The following GRK4 variants were observed in gnomAD, a reference collection of about 807,000 sequenced individuals.
The protein encoded by GRK4 is G protein-coupled receptor kinase 4, also known as G protein-coupled receptor kinase 2-like.
A neutral mutation model predicts 77.9 loss-of-function variants in GRK4; 73 were observed. The observed-to-expected ratio is 0.94, with a 90% CI of 0.78 to 1.14. The LOEUF is 1.14. GRK4 is among the 50% of genes most tolerant of loss of function. The pLI is 0.00. For synonymous variants in GRK4, 257 were observed against 254.4 expected (o/e 1.01, Z -0.10); for missense variants, 729 against 700.2 (o/e 1.04, Z -0.46).
intron 8 of GRK4, among the ~76,000 whole-genome samples, chr4:3,016,450 G>A (rs544480035): frequency 7.3e-5 from 11 of 151,442 alleles, no homozygotes; most frequent in Admixed American, 2.6e-4. Context: ...CTCAGAAGAC[G>A]GAGGTTGCAG....
At chr4:3,032,476 G>C (rs985771700) in intron 12 of GRK4, among the ~76,000 whole-genome samples, 1 of 152,170 alleles carries the variant, frequency 6.6e-6, no homozygotes, top group African/African-American at 2.4e-5. Flanking sequence ...TGCTAGGCTC[G>C]GGGAGGGGAA....
chr4:2,970,379 G>T (rs1390206521), intron 1 of GRK4, among the ~76,000 whole-genome samples: 4 of 152,064 alleles, frequency 2.6e-5, no homozygotes, highest in Admixed American at 6.5e-5. Context: ...AATATTCTTG[G>T]CCAGGCACGG....
intron 4 of GRK4, among the ~76,000 whole-genome samples, chr4:2,998,203 C>T (rs534464436): frequency 9.2e-5 from 14 of 151,960 alleles, no homozygotes; most frequent in African/African-American, 2.7e-4. Flanking sequence ...ACTAAAAATA[C>T]AAAAATTAGC....
chr4:3,026,205 C>T (rs578257479), intron 10 of GRK4, among the ~76,000 whole-genome samples: 57 of 152,190 alleles, frequency 3.7e-4, no homozygotes, highest in African/African-American at 1.3e-3. Flanking sequence ...GGGTGTTTCC[C>T]GTCTGCATTC....
intron 14 of GRK4, 133 bp from the exon 15 acceptor site, chr4:3,038,243 G>C (rs1741384329): frequency 9.3e-7 from 1 of 1,073,210 alleles, no homozygotes; most frequent in Admixed American, 2.3e-5. Flanking sequence ...ACCCAGAAAA[G>C]GGGCCCCACA....
At position 3,040,722 on chromosome 4, in the gene GRK4, A is replaced by G; in HGVS notation, c.*97A>G. The G allele has an allele frequency of 9.9e-7, 1 of 1,005,282 alleles. No individual in the cohort carries two copies. Among genetic ancestry groups the G allele is most frequent in the South Asian group, 1.4e-5 (1 of 72,362 alleles). The allele number at this position is 1,005,282 out of a possible 1,614,324, so 62.3% of individuals were successfully genotyped here. A position where few individuals can be genotyped will look rare whatever the true frequency, so the allele number is the denominator to read the frequency against. On this transcript the variant is annotated 3_prime_UTR_variant, in exon 16 of 16. Transcript: ENST00000398052. ...GGAATTGTAATAAATACATCTAAATAAAACATGCCTTGGGAGTGTACAGAC... is the reference window on the plus strand; with the variant it reads ...GGAATTGTAATAAATACATCTAAATGAAACATGCCTTGGGAGTGTACAGAC...
Position 3,007,694 on chromosome 4 carries a change from T to C in GRK4, c.444-42T>C, listed in dbSNP as rs761348171. 6 of 1,270,336 alleles carry C rather than the reference T, an allele frequency of 4.7e-6. No individual in the cohort carries two copies. The East Asian group carries it at 1.2e-4, about 26-fold the overall frequency. 78.7% of individuals were successfully genotyped at this position (1,270,336 alleles called of 1,614,324 possible). On this transcript the variant is annotated intron_variant, in intron 5 of 15. Transcript: ENST00000398052. Reference sequence around the variant, plus strand: ...CTAAAACACACTTGTTTTTATTTCTTAATACAACAAATGTATATAATTTTA... The same window carrying C: ...CTAAAACACACTTGTTTTTATTTCTCAATACAACAAATGTATATAATTTTA...
chr4:3,001,369 A>AT (rs55673089), intron 4 of GRK4, among the ~76,000 whole-genome samples: 102 of 76,942 alleles, frequency 1.3e-3, no homozygotes, highest in Middle Eastern at 5.4e-3. Flanking sequence ...ATATATATAT[A>AT]TTTTTTTTTT....
At chr4:3,005,247 C>T (rs1322691990) in intron 5 of GRK4, among the ~76,000 whole-genome samples, 4 of 151,830 alleles carry the variant, frequency 2.6e-5, no homozygotes, top group African/African-American at 4.8e-5. Flanking sequence ...CATGTCACAG[C>T]GGAGGAAACG....
chr4:3,006,004 C>T (rs985375488), intron 5 of GRK4, among the ~76,000 whole-genome samples: 1 of 152,008 alleles, frequency 6.6e-6, no homozygotes, highest in Admixed American at 6.6e-5. Context: ...GTGTATGGCA[C>T]CGGACTAGAA....
chr4:2,973,718 C>T (rs1487374769), intron 1 of GRK4, among the ~76,000 whole-genome samples: 1 of 152,202 alleles, frequency 6.6e-6, no homozygotes, highest in Non-Finnish European at 1.5e-5. Context: ...ACCTGGAACA[C>T]CGTGGTCAGC....
intron 13 of GRK4, among the ~76,000 whole-genome samples, chr4:3,037,075 GTGTGTGTA>G (rs1740901821): frequency 9.2e-6 from 1 of 108,648 alleles, no homozygotes; most frequent in Non-Finnish European, 1.8e-5. Flanking sequence ...GTGTGTATGT[GTGTGTGTA>G]TGTGTGTGTG....
Position 3,035,443 on chromosome 4 carries a change from G to A in GRK4, c.1327G>A (p.Val443Met), listed in dbSNP as rs933402818. The change falls in exon 13 of 16, where the codon GTG becomes ATG. Residue 443 changes from valine (V) to methionine (M), a missense_variant. Physicochemically the swap from Val to Met is conservative, Grantham distance 21. Coordinates refer to ENST00000398052, the MANE Select transcript of GRK4 (RefSeq NM_182982.3). ...LGCRGEGAAG[V>M]KQHPVFKDIN... ...CTGCAGGGGCGAGGGAGCGGCTGGG[G>A]TGAAGCAGCACCCCGTGTTCAAGGA... is the stretch of plus-strand genomic sequence containing the variant. 5.0e-6 allele frequency: 8 copies of A among 1,613,818 alleles called. No individual in the cohort carries two copies. The African/African-American group carries it at 1.1e-4, about 22-fold the overall frequency.
chr4:3,006,053 G>T (rs1731235770), intron 5 of GRK4, among the ~76,000 whole-genome samples: 1 of 151,926 alleles, frequency 6.6e-6, no homozygotes, highest in African/African-American at 2.4e-5. Context: ...TCTGAAAATG[G>T]ATTAGAGTAA....
At chr4:2,998,433 G>A (rs760601464) in intron 4 of GRK4, among the ~76,000 whole-genome samples, 1 of 152,052 alleles carries the variant, frequency 6.6e-6, no homozygotes, top group Non-Finnish European at 1.5e-5. Context: ...CATAATCTTG[G>A]ATATAGAAAA....
At chr4:3,007,868 T>A (rs1731760878) in intron 6 of GRK4, 40 bp downstream of exon 6, 2 of 1,382,844 alleles carry the variant, frequency 1.4e-6, no homozygotes, top group South Asian at 2.4e-5. Context: ...CCAATTGAGG[T>A]GGCACATGCC....
At chr4:2,989,206 G>T (rs1232043675) in intron 3 of GRK4, among the ~76,000 whole-genome samples, 1 of 151,846 alleles carries the variant, frequency 6.6e-6, no homozygotes, top group Non-Finnish European at 1.5e-5. Flanking sequence ...GTAAAAACTA[G>T]ACCTGGGCAA....
At chr4:3,039,719 G>GA (rs898931654) in intron 15 of GRK4, among the ~76,000 whole-genome samples, 20 of 130,642 alleles carry the variant, frequency 1.5e-4, no homozygotes, top group African/African-American at 4.4e-4. Flanking sequence ...AAAAAAAAAG[G>GA]AAAAAAAAAT....
chr4:3,036,291 G>C (rs1457004825), intron 13 of GRK4, among the ~76,000 whole-genome samples: 1 of 152,250 alleles, frequency 6.6e-6, no homozygotes, highest in African/African-American at 2.4e-5. Context: ...TGGTCACTGT[G>C]CCTCCTTGTG....
Sources: gnomAD v4.1 joint callset for allele counts (sites outside exome capture counted in the v4.1 genomes callset) on GRCh38, gnomAD v4.1.1 for gene constraint, MANE v1.5 for transcripts, NCBI Gene and HGNC (gene_info 2026-07-23, HGNC 2026-07-21) for gene names.